Variants in PNPLA7 observed in about 807,000 individuals in gnomAD.
PNPLA7 encodes patatin-like phospholipase domain-containing protein 7.
In PNPLA7, 153 loss-of-function variants were observed where a neutral mutation model predicts 161.7. The observed-to-expected ratio is 0.95, with a 90% CI of 0.83 to 1.08. PNPLA7 has a LOEUF of 1.08. Ranked by LOEUF, PNPLA7 falls within the 50% of genes least tolerant of loss-of-function variation. PNPLA7 has a pLI of 0.00. For missense variants in PNPLA7, 1,739 were observed against 1,856.6 expected (o/e 0.94, Z 1.16); for synonymous variants, 809 against 782.1 (o/e 1.03, Z -0.57).
rs2094819968 is a variant in PNPLA7, at chr9:137,542,570, TA to T, written c.666+71del. The T allele has an allele frequency of 3.6e-6, 5 of 1,394,594 alleles. No homozygotes were observed. The South Asian group carries it at 4.8e-5, about 14-fold the overall frequency. The allele number at this position is 1,394,594 out of a possible 1,614,324, so 86.4% of individuals were successfully genotyped here. Reference sequence around the variant, plus strand: ...CCTAGCTTTTCAATGAGAAACGTTTTACAGCCCGAGAAGACAGACGTGGAGG... The same window carrying T: ...CCTAGCTTTTCAATGAGAAACGTTTTCAGCCCGAGAAGACAGACGTGGAGG... On this transcript the variant is annotated intron_variant, in intron 7 of 34. Transcript: ENST00000406427.
intron 8 of PNPLA7, among the ~76,000 whole-genome samples, chr9:137,530,994 G>A (rs1252519828): frequency 6.6e-6 from 1 of 152,190 alleles, no homozygotes; most frequent in Non-Finnish European, 1.5e-5. Context: ...CAGATACTCA[G>A]CTCTTGGCAC....
chr9:137,507,944 G>A (rs1834007261), intron 12 of PNPLA7, among the ~76,000 whole-genome samples: 1 of 152,156 alleles, frequency 6.6e-6, no homozygotes. Context: ...TGTAATCCCA[G>A]CACTTTCAGA....
rs1397608076 is a variant in PNPLA7, at chr9:137,543,668, G to C, written c.365+56C>G. The C allele has an allele frequency of 1.2e-6, 2 of 1,611,934 alleles. No individual in the cohort carries two copies. Among genetic ancestry groups the C allele is most frequent in the Non-Finnish European group, 1.7e-6 (2 of 1,178,586 alleles). On this transcript the variant is annotated intron_variant, in intron 5 of 34. Coordinates refer to ENST00000406427, the MANE Select transcript of PNPLA7 (RefSeq NM_001098537.3). The surrounding 1 kb of genome is among the most constrained non-coding windows in gnomAD (Gnocchi z 6.9). ...ACACCAGGCAGCTCAGGGTTGGGGA[G>C]GCCAGCACCATGGGGGGCACCTGGG...
intron 18 of PNPLA7, among the ~76,000 whole-genome samples, chr9:137,496,548 C>CTAATTTGTAAAATTG (rs1833068375): frequency 1.3e-5 from 2 of 151,620 alleles, no homozygotes; most frequent in South Asian, 4.2e-4. Context: ...CCCATCTCTA[C>CTAATTTGTAAAATTG]TAAAAATACA....
chr9:137,461,648 G>A, intron 32 of PNPLA7, 28 bp from the exon 33 acceptor site: 1 of 1,551,746 alleles, frequency 6.4e-7, no homozygotes, highest in South Asian at 1.2e-5. Flanking sequence ...ACAGCACGTT[G>A]CCTGTGGACA....
chr9:137,510,291 C>T (rs981451674), intron 12 of PNPLA7, among the ~76,000 whole-genome samples: 4 of 152,084 alleles, frequency 2.6e-5, no homozygotes, highest in Non-Finnish European at 5.9e-5. Flanking sequence ...TATCCGGAGG[C>T]CTAACCGTCT....
At chr9:137,497,672 C>T (rs564776836) in intron 17 of PNPLA7, among the ~76,000 whole-genome samples, 2 of 152,334 alleles carry the variant, frequency 1.3e-5, no homozygotes, top group East Asian at 3.9e-4. Flanking sequence ...GGATTATAGG[C>T]GCACACCACC....
intron 18 of PNPLA7, among the ~76,000 whole-genome samples, chr9:137,496,018 C>G (rs1564311181): frequency 6.6e-6 from 1 of 152,188 alleles, no homozygotes; most frequent in Non-Finnish European, 1.5e-5. Context: ...CCGGGCAAAA[C>G]ACGGAGCAAC....
At chr9:137,498,639 A>G (rs1387225064) in intron 16 of PNPLA7, among the ~76,000 whole-genome samples, 1 of 152,188 alleles carries the variant, frequency 6.6e-6, no homozygotes, top group Admixed American at 6.5e-5. Flanking sequence ...GCAAAGGCAG[A>G]GGCTGAGAGA....
At chr9:137,498,577 C>T (rs907838564) in intron 16 of PNPLA7, among the ~76,000 whole-genome samples, 1 of 152,256 alleles carries the variant, frequency 6.6e-6, no homozygotes, top group Non-Finnish European at 1.5e-5. Context: ...GCATAATGCA[C>T]ACTCGGGCCG....
chr9:137,464,943 G>T (rs73669105), intron 26 of PNPLA7: 1,838 of 162,920 alleles, frequency 0.011, 40 homozygotes, highest in African/African-American at 0.039. Context: ...ACTCCATCAG[G>T]GGTCCCGGGG....
At position 137,547,448 on chromosome 9, in the gene PNPLA7, C is replaced by T; in HGVS notation, c.106-52G>A. ...CATCAGCAAAGCCACAAACCTAACC[C>T]TAGCCCTAAGCCTGCCCCCACCCCT... On this transcript the variant is annotated intron_variant, in intron 2 of 34. Coordinates refer to ENST00000406427, the MANE Select transcript of PNPLA7 (RefSeq NM_001098537.3). The surrounding 1 kb of genome is among the most constrained non-coding windows in gnomAD (Gnocchi z 4.6). 1 of 1,607,272 alleles carries T rather than the reference C, an allele frequency of 6.2e-7. No homozygotes were observed. Among genetic ancestry groups the T allele is most frequent in the Non-Finnish European group, 8.5e-7 (1 of 1,174,716 alleles).
chr9:137,463,071 C>A (rs1246670063), intron 29 of PNPLA7: 7 of 627,732 alleles, frequency 1.1e-5, no homozygotes, highest in Non-Finnish European at 1.9e-5. Context: ...CTGGCCTGGC[C>A]CCCAGCAAGC....
chr9:137,519,916 C>A lies in PNPLA7; in HGVS notation c.1084+1G>T. 1.2e-6 allele frequency: 2 copies of A among 1,611,668 alleles called. No homozygotes were observed. The highest frequency in any genetic ancestry group is 1.7e-6 in the Non-Finnish European group (2 of 1,179,398). On this transcript the variant is annotated splice_donor_variant, in intron 11 of 34. Coordinates refer to ENST00000406427, the MANE Select transcript of PNPLA7 (RefSeq NM_001098537.3). LOFTEE classifies it high-confidence loss of function. ...TTGCCCTCCTTGGTGCAGGACAGTACCTGAGTCACAGGACTCCTGGAGCCG... is the reference window on the plus strand; with the variant it reads ...TTGCCCTCCTTGGTGCAGGACAGTAACTGAGTCACAGGACTCCTGGAGCCG...
At chr9:137,512,309 TCTC>T (rs1362473005) in intron 12 of PNPLA7, among the ~76,000 whole-genome samples, 1 of 152,132 alleles carries the variant, frequency 6.6e-6, no homozygotes, top group Non-Finnish European at 1.5e-5. Context: ...TGGGGAGGCT[TCTC>T]CACATGACGG....
At position 137,523,906 on chromosome 9, in the gene PNPLA7, C is replaced by A. The variant is rs531711272; in HGVS notation, c.748-1049G>T. Among the ~76,000 whole-genome samples, 6 of 151,922 alleles carry A rather than the reference C, an allele frequency of 3.9e-5. No individual in the cohort carries two copies. In the East Asian group the frequency reaches 9.8e-4, roughly 25 times the overall value. On this transcript the variant is annotated intron_variant, in intron 8 of 34. Transcript: ENST00000406427. This position sits in a 1 kb window ranked among gnomAD's most constrained non-coding sequence, Gnocchi z 4.4. ...CGGCCTCCCAAAGTGCTGGGATTACCGGCGTGAGCCACCACGCCTGGCTCA... is the reference window on the plus strand; with the variant it reads ...CGGCCTCCCAAAGTGCTGGGATTACAGGCGTGAGCCACCACGCCTGGCTCA...
Position 137,467,198 on chromosome 9 carries a change from G to A in PNPLA7, c.3039+119C>T, listed in dbSNP as rs1831517450. 3 of 1,354,448 alleles carry A rather than the reference G, an allele frequency of 2.2e-6. No homozygotes were observed. 83.9% of individuals were successfully genotyped at this position (1,354,448 alleles called of 1,614,324 possible). On this transcript the variant is annotated intron_variant, in intron 26 of 34. Transcript: ENST00000406427. This position sits in a 1 kb window ranked among gnomAD's most constrained non-coding sequence, Gnocchi z 5.1. ...CTGCACTGGGAGGCTTCAGGGGGTA[G>A]CCTCCTCGAGGGCAGGGCCCTGCAG...
rs1218667852 is a variant in PNPLA7, at chr9:137,500,727, C to T, written c.1721G>A (p.Cys574Tyr). 3 of 1,612,530 alleles carry T rather than the reference C, an allele frequency of 1.9e-6. No homozygotes were observed. Among genetic ancestry groups the T allele is most frequent in the African/African-American group, 1.3e-5 (1 of 75,042 alleles). The stretch of plus-strand genomic sequence containing the variant: ...GGCCTTGGAGATGGACAGGAAGCTG[C>T]AGTCCCTGTTGGCCTTGACGGTGAA... ...LIFTVKANRDCSFLSISKAHF... is the reference protein window; with the variant it reads ...LIFTVKANRDYSFLSISKAHF... The change falls in exon 16 of 35, where the codon TGC becomes TAC. Residue 574 changes from cysteine to tyrosine, a missense_variant. This residue lies in a region of PNPLA7 where 481 missense variants were observed against 450.0 expected (regional missense o/e 1.07). Coordinates refer to ENST00000406427, the MANE Select transcript of PNPLA7 (RefSeq NM_001098537.3). The surrounding 1 kb of genome is among the most constrained non-coding windows in gnomAD (Gnocchi z 5.5).
At position 137,543,518 on chromosome 9, in the gene PNPLA7, G is replaced by A. The variant is rs747580582; in HGVS notation, c.420C>T (p.Pro140=). ...YPALQPKEPP[P]SLLEADLTEF... ...CCGTGAGGTCGGCCTCCAGCAGGGAGGGCGGGGGCTCCTTGGGCTGCAGGG... is the reference window on the plus strand; with the variant it reads ...CCGTGAGGTCGGCCTCCAGCAGGGAAGGCGGGGGCTCCTTGGGCTGCAGGG... Residue 140 remains proline, a synonymous_variant, in exon 6 of 35, where the codon CCC becomes CCT. Coordinates refer to ENST00000406427, the MANE Select transcript of PNPLA7 (RefSeq NM_001098537.3). This position sits in a 1 kb window ranked among gnomAD's most constrained non-coding sequence, Gnocchi z 6.9. 6.2e-7 allele frequency: 1 copy of A among 1,614,034 alleles called. No individual in the cohort carries two copies.
Sources: gnomAD v4.1 joint callset for allele counts (sites outside exome capture counted in the v4.1 genomes callset) on GRCh38, gnomAD v4.1.1 for gene constraint, gnomAD v4.1.1 regional missense constraint, Gnocchi (gnomAD v3.1) non-coding constraint, MANE v1.5 for transcripts, NCBI Gene and HGNC (gene_info 2026-07-23, HGNC 2026-07-21) for gene names.